Variants in ZNF804B observed in about 807,000 individuals in gnomAD.
ZNF804B encodes zinc finger 804B.
Under a neutral mutation model 101.4 loss-of-function variants are expected in ZNF804B, and 80 were observed. The ratio of observed to expected loss-of-function variants is 0.79; its 90% CI spans 0.66 to 0.95. The LOEUF is 0.95. Ranked by LOEUF, ZNF804B falls within the 40% of genes least tolerant of loss-of-function variation. ZNF804B has a pLI of 0.00. For missense variants in ZNF804B, 1,673 were observed against 1,561.9 expected (o/e 1.07, Z -1.20); for synonymous variants, 622 against 558.8 (o/e 1.11, Z -1.59).
At chr7:89,154,143 CATT>C (rs1409959616) in intron 1 of ZNF804B, among the ~76,000 whole-genome samples, 1 of 152,086 alleles carries the variant, frequency 6.6e-6, no homozygotes, top group Non-Finnish European at 1.5e-5. Context: ...TGCTCAACAT[CATT>C]GATTATAATA....
chr7:89,074,118 C>T (rs1789581434), intron 1 of ZNF804B, among the ~76,000 whole-genome samples: 1 of 152,098 alleles, frequency 6.6e-6, no homozygotes, highest in East Asian at 1.9e-4. Context: ...ACAGCCATTC[C>T]TGAAGCAAAA....
chr7:89,281,866 TCAGA>T lies in ZNF804B; in HGVS notation c.250-45473_250-45470del, dbSNP rs1464089270. ...GTAAAGGATAATAAATATAATCCAC[TCAGA>T]CAGAGTCCAAAAGTCTCAGCTTAAC... On this transcript the variant is annotated intron_variant, in intron 2 of 3. Transcript: ENST00000333190. 2.6e-5 allele frequency among the ~76,000 whole-genome samples: 4 copies of T among 152,218 alleles called. No homozygotes were observed. In the South Asian group the frequency reaches 6.2e-4, roughly 24 times the overall value.
At chr7:88,954,778 G>A (rs1169147261) in intron 1 of ZNF804B, among the ~76,000 whole-genome samples, 1 of 151,610 alleles carries the variant, frequency 6.6e-6, no homozygotes, top group Non-Finnish European at 1.5e-5. Context: ...AAAGTTAATG[G>A]GTGAAAGGAT....
intron 2 of ZNF804B, among the ~76,000 whole-genome samples, chr7:89,296,415 T>C (rs1191803494): frequency 2.0e-5 from 3 of 152,026 alleles, no homozygotes; most frequent in Non-Finnish European, 4.4e-5. Context: ...GGATATATGA[T>C]GGATATCCTT....
At chr7:88,829,539 G>C (rs1051639364) in intron 1 of ZNF804B, among the ~76,000 whole-genome samples, 4 of 151,914 alleles carry the variant, frequency 2.6e-5, no homozygotes, top group Non-Finnish European at 5.9e-5. Flanking sequence ...ATTAAACTTT[G>C]TAAATAAATT....
intron 1 of ZNF804B, among the ~76,000 whole-genome samples, chr7:88,873,526 A>G (rs955256715): frequency 2.0e-5 from 3 of 152,100 alleles, no homozygotes; most frequent in Non-Finnish European, 2.9e-5. Context: ...TTGGTGTTTT[A>G]GACATGAAGT....
At chr7:89,182,652 A>G (rs1366724235) in intron 1 of ZNF804B, among the ~76,000 whole-genome samples, 1 of 152,174 alleles carries the variant, frequency 6.6e-6, no homozygotes, top group Non-Finnish European at 1.5e-5. Context: ...TCTTCTCTCC[A>G]TTACTGTAAC....
intron 2 of ZNF804B, among the ~76,000 whole-genome samples, chr7:89,300,803 G>A (rs1238886296): frequency 2.0e-5 from 3 of 151,818 alleles, no homozygotes; most frequent in Non-Finnish European, 2.9e-5. Context: ...TCAGGCAAAA[G>A]GCTTAATCTG....
At chr7:89,153,850 C>T (rs1195504886) in intron 1 of ZNF804B, among the ~76,000 whole-genome samples, 1 of 152,128 alleles carries the variant, frequency 6.6e-6, no homozygotes, top group Non-Finnish European at 1.5e-5. Flanking sequence ...TCTCTAGGCA[C>T]TTGAGACAGT....
chr7:89,213,914 A>G (rs190383799), intron 1 of ZNF804B, among the ~76,000 whole-genome samples: 2 of 152,376 alleles, frequency 1.3e-5, no homozygotes, highest in East Asian at 3.9e-4. Context: ...AATGTAGTTC[A>G]TGAGGAGTTA....
At chr7:88,829,301 C>T (rs537896378) in intron 1 of ZNF804B, among the ~76,000 whole-genome samples, 1 of 152,118 alleles carries the variant, frequency 6.6e-6, no homozygotes, top group African/African-American at 2.4e-5. Flanking sequence ...GTGAAGGCTA[C>T]ATTGACCAGG....
intron 1 of ZNF804B, among the ~76,000 whole-genome samples, chr7:88,774,440 C>T (rs1790114037): frequency 6.6e-6 from 1 of 151,958 alleles, no homozygotes; most frequent in Non-Finnish European, 1.5e-5. Context: ...TCCAGAGTAC[C>T]TCTTTTTCAT....
chr7:88,872,616 C>A (rs545648195), intron 1 of ZNF804B, among the ~76,000 whole-genome samples: 132 of 152,040 alleles, frequency 8.7e-4, no homozygotes, highest in Non-Finnish European at 1.5e-3. Context: ...CCATCCCTCC[C>A]CCCTGCCCCC....
chr7:89,026,402 AC>A lies in ZNF804B; in HGVS notation c.109-191752del, dbSNP rs1228659980. ...GTTTTGCTAAAGCACGGGGGTACAC[AC>A]AGGGGGAAGAGCACAGTGAAGTGGC... On this transcript the variant is annotated intron_variant, in intron 1 of 3. Transcript: ENST00000333190. 2.0e-5 allele frequency among the ~76,000 whole-genome samples: 3 copies of A among 152,160 alleles called. No individual in the cohort carries two copies. In the East Asian group the frequency reaches 5.8e-4, roughly 29 times the overall value.
rs185358573 is a variant in ZNF804B, at chr7:89,085,347, T to A, written c.109-132808T>A. Among the ~76,000 whole-genome samples, 4 of 152,138 alleles carry A rather than the reference T, an allele frequency of 2.6e-5. No homozygotes were observed. In the East Asian group the frequency reaches 5.8e-4, roughly 22 times the overall value. On this transcript the variant is annotated intron_variant, in intron 1 of 3. Transcript: ENST00000333190. The stretch of plus-strand genomic sequence containing the variant: ...AATCTAATTTGTTGTTTCTCTTGGA[T>A]CCCTGGTTAAAGTTTCTGAATAGTT...
intron 1 of ZNF804B, among the ~76,000 whole-genome samples, chr7:89,161,242 T>C (rs1486807901): frequency 6.6e-6 from 1 of 151,992 alleles, no homozygotes; most frequent in East Asian, 2.0e-4. Flanking sequence ...AAGCAGTCTC[T>C]AAAACCCAGC....
chr7:88,851,906 T>C (rs1368229170), intron 1 of ZNF804B, among the ~76,000 whole-genome samples: 1 of 152,084 alleles, frequency 6.6e-6, no homozygotes, highest in Admixed American at 6.6e-5. Context: ...TGTTATAGCA[T>C]TGAGTACCAT....
intron 1 of ZNF804B, among the ~76,000 whole-genome samples, chr7:89,172,130 A>G (rs1296540963): frequency 1.3e-5 from 2 of 152,196 alleles, no homozygotes; most frequent in African/African-American, 4.8e-5. Flanking sequence ...AGGAAGCATA[A>G]TAAGTTGTGA....
At chr7:89,183,813 G>A (rs1258962894) in intron 1 of ZNF804B, among the ~76,000 whole-genome samples, 1 of 152,126 alleles carries the variant, frequency 6.6e-6, no homozygotes, top group African/African-American at 2.4e-5. Context: ...AATCCTTCTG[G>A]CATTTGAATA....
Sources: allele counts gnomAD v4.1 joint callset (sites outside exome capture counted in the v4.1 genomes callset), GRCh38; gene constraint gnomAD v4.1.1; transcripts MANE v1.5; gene names NCBI Gene and HGNC (gene_info 2026-07-23, HGNC 2026-07-21).